The following AGBL1 variants were observed in gnomAD, a reference collection of about 807,000 sequenced individuals.
AGBL1 encodes the protein AGBL carboxypeptidase 1, also known as cytosolic carboxypeptidase 4.
A neutral mutation model predicts 118.9 loss-of-function variants in AGBL1; 130 were observed. The ratio of observed to expected loss-of-function variants is 1.09; its 90% CI spans 0.95 to 1.26. The LOEUF (loss-of-function observed/expected upper bound fraction) is 1.26, where lower values mean the gene tolerates loss of function less well. AGBL1 is among the 50% of genes most tolerant of loss of function. The probability of loss-of-function intolerance (pLI) is 0.00; values close to 1 mark genes in which losing one functional copy is unlikely to be tolerated. For missense variants in AGBL1, 1,584 were observed against 1,298.1 expected, an observed-to-expected ratio of 1.22 and a Z score of -3.38; for synonymous variants, 555 against 478.9, an observed-to-expected ratio of 1.16 and a Z score of -2.08.
chr15:86,887,113 C>T (rs886199107), intron 22 of AGBL1, among the ~76,000 whole-genome samples: 5 of 152,052 alleles, frequency 3.3e-5, no homozygotes, highest in African/African-American at 1.2e-4. Context: ...TGTAAGGATT[C>T]TGATTCATAA....
At chr15:86,640,358 C>A (rs1259132427) in intron 21 of AGBL1, among the ~76,000 whole-genome samples, 2 of 152,050 alleles carry the variant, frequency 1.3e-5, no homozygotes, top group African/African-American at 4.8e-5. Flanking sequence ...AATCAGATAT[C>A]TTTTATAAAA....
At chr15:86,927,341 C>T (rs1289660793) in intron 23 of AGBL1, among the ~76,000 whole-genome samples, 1 of 151,300 alleles carries the variant, frequency 6.6e-6, no homozygotes, top group African/African-American at 2.4e-5. Context: ...GGAAGCCCAG[C>T]ACTTTGGGAG....
chr15:86,268,426 G>A lies in AGBL1; in HGVS notation c.1838+1350G>A, dbSNP rs114351476. ...CATGTTCAAAGGATCCAGGAAAGGA[G>A]ACCTGATTATGAGTCTCCTGGTGGA... On this transcript the variant is annotated intron_variant, in intron 13 of 22. Coordinates refer to ENST00000614907, the MANE Select transcript of AGBL1 (RefSeq NM_001386094.1). Among the ~76,000 whole-genome samples the A allele has an allele frequency of 6.4e-3, 976 of 152,270 alleles. 14 individuals are homozygous for A. Among genetic ancestry groups the A allele is most frequent in the African/African-American group, 0.023 (937 of 41,528 alleles).
At chr15:86,234,856 G>C (rs952040640) in intron 6 of AGBL1, among the ~76,000 whole-genome samples, 1 of 152,162 alleles carries the variant, frequency 6.6e-6, no homozygotes, top group Non-Finnish European at 1.5e-5. Context: ...AGTCCTGGAG[G>C]TTTCAGGAAG....
chr15:86,825,102 A>T (rs1228428219), intron 22 of AGBL1, among the ~76,000 whole-genome samples: 1 of 151,918 alleles, frequency 6.6e-6, no homozygotes. Context: ...AGAAAAACAG[A>T]ATTCAGAACT....
intron 17 of AGBL1, among the ~76,000 whole-genome samples, chr15:86,389,730 G>A (rs1369293134): frequency 1.3e-5 from 2 of 152,030 alleles, no homozygotes; most frequent in African/African-American, 4.8e-5. Flanking sequence ...AATCAAAGAA[G>A]TACCTTGTAA....
At chr15:86,415,199 G>T (rs1203684448) in intron 18 of AGBL1, among the ~76,000 whole-genome samples, 1 of 152,098 alleles carries the variant, frequency 6.6e-6, no homozygotes, top group Non-Finnish European at 1.5e-5. Context: ...CCAATGATCC[G>T]TTCTTGAATA....
chr15:86,457,398 C>A (rs1234607969), intron 18 of AGBL1, among the ~76,000 whole-genome samples: 5 of 152,164 alleles, frequency 3.3e-5, no homozygotes, highest in African/African-American at 9.7e-5. Context: ...CCTCTGCACC[C>A]AAGACCCCGC....
chr15:86,638,988 G>T (rs114057105), intron 21 of AGBL1, among the ~76,000 whole-genome samples: 171 of 152,196 alleles, frequency 1.1e-3, no homozygotes, highest in African/African-American at 3.9e-3. Flanking sequence ...ACTATCTGTC[G>T]GCTGGAGGCC....
At chr15:86,574,283 AG>A (rs2084051311) in intron 21 of AGBL1, among the ~76,000 whole-genome samples, 1 of 152,230 alleles carries the variant, frequency 6.6e-6, no homozygotes, top group Admixed American at 6.5e-5. Flanking sequence ...TGACATGTTC[AG>A]GTTGCACCAT....
At chr15:86,880,594 C>T (rs1160535289) in intron 22 of AGBL1, among the ~76,000 whole-genome samples, 1 of 152,058 alleles carries the variant, frequency 6.6e-6, no homozygotes, top group Non-Finnish European at 1.5e-5. Flanking sequence ...GTGGCAGTGA[C>T]TATGTGTGCA....
At chr15:86,174,573 A>C (rs2077457049) in intron 5 of AGBL1, among the ~76,000 whole-genome samples, 2 of 151,848 alleles carry the variant, frequency 1.3e-5, no homozygotes, top group Non-Finnish European at 2.9e-5. Flanking sequence ...TTATTATGAT[A>C]CTAGCTGGGT....
In AGBL1 at chr15:86,827,428, TAC is replaced by T. The variant is rs1162484959; in HGVS notation, c.3159-79655_3159-79654del. On this transcript the variant is annotated intron_variant, in intron 22 of 22. Transcript: ENST00000614907. ...ATATATGTGTATATATATATATATATACACATATATATATGTGTGTGTATATA... is the reference window on the plus strand; with the variant it reads ...ATATATGTGTATATATATATATATATACATATATATATGTGTGTGTATATA... Among the ~76,000 whole-genome samples, 61 of 7,424 alleles carry T rather than the reference TAC, an allele frequency of 8.2e-3. 19 individuals carry two copies. The highest frequency in any genetic ancestry group is 0.02 in the African/African-American group (22 of 1,126). The allele number at this position is 7,424 out of a possible 152,430, so 4.9% of individuals were successfully genotyped here.
intron 21 of AGBL1, among the ~76,000 whole-genome samples, chr15:86,572,119 T>C (rs76920206): frequency 0.019 from 2,914 of 152,184 alleles, 89 homozygotes; most frequent in African/African-American, 0.066. Flanking sequence ...TACTCTGAGA[T>C]TGGAGTGGGC....
intron 22 of AGBL1, among the ~76,000 whole-genome samples, chr15:86,829,891 C>A (rs2079079663): frequency 6.6e-6 from 1 of 151,892 alleles, no homozygotes; most frequent in African/African-American, 2.4e-5. Flanking sequence ...TCTTTAGCAC[C>A]CTGGCCTAAG....
At chr15:86,774,020 G>A (rs1276482630) in intron 22 of AGBL1, among the ~76,000 whole-genome samples, 3 of 152,078 alleles carry the variant, frequency 2.0e-5, no homozygotes, top group Non-Finnish European at 4.4e-5. Flanking sequence ...ACATTCAGAA[G>A]TATTTGTCTA....
intron 21 of AGBL1, among the ~76,000 whole-genome samples, chr15:86,665,765 A>T (rs11073653): frequency 0.29 from 43,370 of 149,888 alleles, 7,137 homozygotes; most frequent in East Asian, 0.62. Flanking sequence ...ATCAAAATAA[A>T]TTTTTTTTTT....
At chr15:86,187,778 GTAGCAAATCCTGTCCTTTGGT>G (rs1331349322) in intron 5 of AGBL1, among the ~76,000 whole-genome samples, 4 of 152,190 alleles carry the variant, frequency 2.6e-5, no homozygotes, top group Non-Finnish European at 5.9e-5. Flanking sequence ...ATCCCAAGGT[GTAGCAAATCCTGTCCTTTGGT>G]TGGCAAATAT....
At chr15:86,884,421 A>G (rs2079940535) in intron 22 of AGBL1, among the ~76,000 whole-genome samples, 1 of 152,234 alleles carries the variant, frequency 6.6e-6, no homozygotes, top group Non-Finnish European at 1.5e-5. Context: ...TTTTCCATTC[A>G]TTGTTTTTGG....
Sources: gnomAD v4.1 joint callset for allele counts (sites outside exome capture counted in the v4.1 genomes callset) on GRCh38, gnomAD v4.1.1 for gene constraint, MANE v1.5 for transcripts, NCBI Gene and HGNC (gene_info 2026-07-23, HGNC 2026-07-21) for gene names.